The following DDX54 variants were observed in gnomAD, a reference collection of about 807,000 sequenced individuals.
DDX54 encodes ATP-dependent RNA helicase DDX54.
Under a neutral mutation model 105.5 loss-of-function variants are expected in DDX54, and 67 were observed. The observed-to-expected ratio is 0.64, with a 90% CI of 0.52 to 0.78. The LOEUF (loss-of-function observed/expected upper bound fraction) is 0.78, where lower values mean the gene tolerates loss of function less well. DDX54 is among the 30% of genes least tolerant of loss of function. The pLI is 0.00. For missense variants in DDX54, 1,206 were observed against 1,230.5 expected, an observed-to-expected ratio of 0.98 and a Z score of 0.30; for synonymous variants, 514 against 509.9, an observed-to-expected ratio of 1.01 and a Z score of -0.11.
intron 1 of DDX54, among the ~76,000 whole-genome samples, chr12:113,181,289 T>C (rs1952464059): frequency 6.7e-6 from 1 of 150,234 alleles, no homozygotes; most frequent in East Asian, 2.0e-4. Context: ...CAAAAGTAAG[T>C]ACATTTTTTT....
chr12:113,179,026 G>C lies in DDX54; in HGVS notation c.565C>G (p.Leu189Val). Residue 189 changes from leucine to valine, a missense_variant and splice_region_variant, in exon 5 of 20, where the codon CTA (leucine) becomes GTA (valine). Around this residue, in one of 3 missense-constraint regions of DDX54, gnomAD observed 961 missense variants for 1,019.1 expected, o/e 0.94. Coordinates refer to ENST00000306014, the MANE Select transcript of DDX54 (RefSeq NM_024072.4). Reference sequence around the variant, plus strand: ...GTCTTGAGGCCAGTGAACTTGCCTAGCTGAGAAGAGAAAGTGATTGAGAGA... The same window carrying C: ...GTCTTGAGGCCAGTGAACTTGCCTACCTGAGAAGAGAAAGTGATTGAGAGA... ...ALQTLKFTKE[L>V]GKFTGLKTAL... 1 of 1,614,110 alleles carries C rather than the reference G, an allele frequency of 6.2e-7. No homozygotes were observed. Among genetic ancestry groups the C allele is most frequent in the Non-Finnish European group, 8.5e-7 (1 of 1,180,002 alleles).
At chr12:113,174,260 C>T (rs1952371330) in intron 10 of DDX54, among the ~76,000 whole-genome samples, 1 of 151,852 alleles carries the variant, frequency 6.6e-6, no homozygotes, top group Non-Finnish European at 1.5e-5. Flanking sequence ...GGAGGATCAC[C>T]TGAGCCCAGG....
rs745368352 is a variant in DDX54 at position 113,179,123 on chromosome 12, C to G, written c.564+20G>C. 5.0e-6 allele frequency: 8 copies of G among 1,613,508 alleles called. No homozygotes were observed. The highest frequency in any genetic ancestry group is 6.8e-6 in the Non-Finnish European group (8 of 1,179,716). On this transcript the variant is annotated intron_variant, in intron 4 of 19. Transcript: ENST00000306014. ...CCAAGTCAGCCCTTGCCTCCAGCCT[C>G]TAGCCAAGCTCAGACACACCTCCTT...
At chr12:113,159,778 C>T (rs1012812966) in intron 19 of DDX54, among the ~76,000 whole-genome samples, 2 of 152,148 alleles carry the variant, frequency 1.3e-5, no homozygotes, top group African/African-American at 2.4e-5. Context: ...CCCAGCCCCA[C>T]AGGTGGGCAT....
chr12:113,173,553 C>A (rs973369001), intron 10 of DDX54, among the ~76,000 whole-genome samples: 1 of 152,130 alleles, frequency 6.6e-6, no homozygotes, highest in Non-Finnish European at 1.5e-5. Flanking sequence ...TGGGGCACAG[C>A]GACTCCCCAG....
chr12:113,164,678 C>A (rs1232583688), intron 14 of DDX54, among the ~76,000 whole-genome samples: 2 of 151,836 alleles, frequency 1.3e-5, no homozygotes. Context: ...TGCACCACTG[C>A]ACCCCAGCCT....
At chr12:113,162,058 G>A in intron 17 of DDX54, 61 bp from the exon 18 acceptor site, 1 of 1,516,338 alleles carries the variant, frequency 6.6e-7, no homozygotes, top group Non-Finnish European at 9.1e-7. Flanking sequence ...GCCGGCTGCC[G>A]CTTGGGGCCT....
chr12:113,170,449 T>C (rs1952323487), intron 11 of DDX54, among the ~76,000 whole-genome samples: 1 of 152,174 alleles, frequency 6.6e-6, no homozygotes, highest in African/African-American at 2.4e-5. Context: ...GAGAACAGCC[T>C]GGGCAAAATA....
intron 3 of DDX54, among the ~76,000 whole-genome samples, 160 bp downstream of exon 3, chr12:113,179,775 C>T (rs542481733): frequency 2.0e-5 from 3 of 152,306 alleles, no homozygotes; most frequent in Non-Finnish European, 2.9e-5. Flanking sequence ...CTCGGCCCAA[C>T]CTTCTCCACC....
At chr12:113,174,605 A>G in intron 10 of DDX54, 35 bp downstream of exon 10, 1 of 1,600,926 alleles carries the variant, frequency 6.2e-7, no homozygotes, top group East Asian at 2.3e-5. Flanking sequence ...ACTCCAGCTG[A>G]AGGAGGTGCT....
chr12:113,173,408 C>T (rs1432035916), intron 10 of DDX54, among the ~76,000 whole-genome samples: 1 of 152,164 alleles, frequency 6.6e-6, no homozygotes, highest in Non-Finnish European at 1.5e-5. Context: ...CTGGTGACCC[C>T]AGCAGCTGCA....
intron 5 of DDX54, 95 bp downstream of exon 5, chr12:113,178,882 T>G: frequency 6.7e-7 from 1 of 1,484,262 alleles, no homozygotes; most frequent in Non-Finnish European, 9.2e-7. Context: ...CTGCTATTAT[T>G]AATAAGCAAC....
rs1239395658 is a variant in DDX54 at position 113,165,639 on chromosome 12, C to T, written c.1719+5G>A. ...AGAGCGTGGTCTCCACCCGGCCCCA[C>T]TCACCGCCCGGGAGCGGTAGTTCTT... On this transcript the variant is annotated splice_donor_5th_base_variant and intron_variant, in intron 14 of 19. Transcript: ENST00000306014. The T allele has an allele frequency of 6.2e-7, 1 of 1,601,842 alleles. No homozygotes were observed. Among genetic ancestry groups the T allele is most frequent in the African/African-American group, 1.3e-5 (1 of 74,714 alleles).
At chr12:113,161,695 T>C (rs1952210280) in intron 18 of DDX54, among the ~76,000 whole-genome samples, 198 bp downstream of exon 18, 1 of 146,872 alleles carries the variant, frequency 6.8e-6, no homozygotes, top group African/African-American at 2.5e-5. Context: ...GTCCCACTAG[T>C]TCGAGATGCT....
Position 113,159,105 on chromosome 12 carries a change from T to C in DDX54, c.2418A>G (p.Ala806=). 1 of 1,594,130 alleles carries C rather than the reference T, an allele frequency of 6.3e-7. No individual in the cohort carries two copies. Among genetic ancestry groups the C allele is most frequent in the Non-Finnish European group, 8.5e-7 (1 of 1,171,380 alleles). Residue 806 remains alanine, a synonymous_variant, in exon 20 of 20, where the codon GCA becomes GCG. Coordinates refer to ENST00000306014, the MANE Select transcript of DDX54 (RefSeq NM_024072.4). The stretch of plus-strand genomic sequence containing the variant: ...GGGTGCCTGGGGCGTGGGGCCGGGA[T>C]GCACCTGCTGGGACAGGGATTCAGG... ...RGGKRDRGQG[A]SRPHAPGTPA...
chr12:113,182,199 A>G (rs2136328050), intron 1 of DDX54, among the ~76,000 whole-genome samples: 1 of 152,294 alleles, frequency 6.6e-6, no homozygotes, highest in East Asian at 1.9e-4. Context: ...TGACGTGCCC[A>G]AGGTCACACA....
chr12:113,166,683 C>G (rs1390455603), intron 12 of DDX54, among the ~76,000 whole-genome samples: 15 of 151,894 alleles, frequency 9.9e-5, no homozygotes, highest in Non-Finnish European at 4.4e-5. Flanking sequence ...GCCTGGGTGA[C>G]AGAACAAGAC....
Position 113,172,380 on chromosome 12 carries a change from T to C in DDX54, c.1252A>G (p.Lys418Glu). The change falls in exon 11 of 20, where the codon AAG (lysine) becomes GAG (glutamate). Residue 418 changes from lysine to glutamate, a missense_variant. Physicochemically the swap from Lys to Glu is moderately conservative, Grantham distance 56 (BLOSUM62 1). This residue lies in a region of DDX54 where 961 missense variants were observed against 1,019.1 expected (regional missense o/e 0.94). Coordinates refer to ENST00000306014, the MANE Select transcript of DDX54 (RefSeq NM_024072.4). ...ACGCGGTGCAGGAAGAGTTTGCCCT[T>C]GGCGGGGAAGCTGTAGTTGATGACA... ...DNVINYSFPA[K>E]GKLFLHRVGR... The C allele has an allele frequency of 6.2e-7, 1 of 1,614,192 alleles. No individual in the cohort carries two copies. Among genetic ancestry groups the C allele is most frequent in the Non-Finnish European group, 8.5e-7 (1 of 1,180,020 alleles).
chr12:113,160,044 C>G (rs1218813927), intron 19 of DDX54, among the ~76,000 whole-genome samples: 2 of 152,212 alleles, frequency 1.3e-5, no homozygotes, highest in Non-Finnish European at 1.5e-5. Flanking sequence ...CCCCGTCTCC[C>G]CAGCCCCTGC....
Sources: allele counts gnomAD v4.1 joint callset (sites outside exome capture counted in the v4.1 genomes callset), GRCh38; gene constraint gnomAD v4.1.1; regional missense constraint gnomAD v4.1.1; transcripts MANE v1.5; gene names NCBI Gene and HGNC (gene_info 2026-07-23, HGNC 2026-07-21).